EDIL3: variants seen among roughly 807,000 people sequenced by gnomAD.
EDIL3 encodes the protein EGF-like repeat and discoidin I-like domain-containing protein 3.
EDIL3 carries 37 observed loss-of-function variants against 67.4 expected under a neutral mutation model. The ratio of observed to expected loss-of-function variants is 0.55; its 90% CI spans 0.42 to 0.72. EDIL3 has a LOEUF of 0.72. EDIL3 is among the 30% of genes least tolerant of loss of function. The pLI is 0.00. For missense variants in EDIL3, 527 were observed against 586.3 expected (o/e 0.90, Z 1.04); for synonymous variants, 195 against 196.3 (o/e 0.99, Z 0.05).
At chr5:84,047,458 G>A (rs1001585523) in intron 9 of EDIL3, 4 of 152,064 alleles carry the variant, frequency 2.6e-5, no homozygotes, top group South Asian at 2.1e-4. Flanking sequence ...GTTATTCATT[G>A]TATAAAAGTT....
At chr5:84,352,977 T>C (rs1281237288) in intron 1 of EDIL3, among the ~76,000 whole-genome samples, 2 of 152,112 alleles carry the variant, frequency 1.3e-5, no homozygotes, top group African/African-American at 2.4e-5. Context: ...CAGCAGGTTT[T>C]TGTATCAGGC....
Position 84,073,526 on chromosome 5 carries a change from C to A in EDIL3, c.652-6920G>T, listed in dbSNP as rs559494421. On this transcript the variant is annotated intron_variant, in intron 6 of 10. Transcript: ENST00000296591. Reference sequence around the variant, plus strand: ...TCAGGATACAAAATCAATGTACAAACATCACAAGCATTCTTAAACACCAAC... The same window carrying A: ...TCAGGATACAAAATCAATGTACAAAAATCACAAGCATTCTTAAACACCAAC... Among the ~76,000 whole-genome samples, 257 of 152,200 alleles carry A rather than the reference C, an allele frequency of 1.7e-3. 1 individual carries two copies. The highest frequency in any genetic ancestry group is 5.6e-3 in the African/African-American group (233 of 41,546).
intron 9 of EDIL3, among the ~76,000 whole-genome samples, chr5:84,005,088 G>T (rs1032415383): frequency 6.6e-6 from 1 of 151,980 alleles, no homozygotes; most frequent in African/African-American, 2.4e-5. Context: ...AGAAAACCTA[G>T]AAGGAATGGA....
chr5:84,303,155 T>C (rs141960888), intron 1 of EDIL3, among the ~76,000 whole-genome samples: 35 of 152,346 alleles, frequency 2.3e-4, no homozygotes, highest in African/African-American at 7.5e-4. Flanking sequence ...AGTTATCTAC[T>C]CTCTGCTTTC....
At chr5:84,337,277 T>C (rs952605034) in intron 1 of EDIL3, among the ~76,000 whole-genome samples, 13 of 152,214 alleles carry the variant, frequency 8.5e-5, no homozygotes, top group Non-Finnish European at 1.6e-4. Context: ...TCTTTATCTG[T>C]TGTATCTTAA....
At chr5:84,124,187 C>T (rs868297960) in intron 5 of EDIL3, among the ~76,000 whole-genome samples, 69 of 151,910 alleles carry the variant, frequency 4.5e-4, no homozygotes, top group Middle Eastern at 3.4e-3. Flanking sequence ...ACTGAAGAAA[C>T]AATGTCTATT....
At chr5:84,237,107 C>T (rs886731440) in intron 2 of EDIL3, among the ~76,000 whole-genome samples, 1 of 152,028 alleles carries the variant, frequency 6.6e-6, no homozygotes, top group Non-Finnish European at 1.5e-5. Context: ...TAGCACCTGA[C>T]AGCAGGAAGC....
At chr5:84,182,696 C>CT (rs1480073041) in intron 3 of EDIL3, among the ~76,000 whole-genome samples, 1 of 152,052 alleles carries the variant, frequency 6.6e-6, no homozygotes, top group African/African-American at 2.4e-5. Context: ...GTTGTGGAGT[C>CT]TAACAAAGAA....
chr5:84,046,209 T>C (rs1031311510), intron 9 of EDIL3, among the ~76,000 whole-genome samples: 1 of 152,176 alleles, frequency 6.6e-6, no homozygotes, highest in Non-Finnish European at 1.5e-5. Flanking sequence ...GGAAGGGATA[T>C]ACGATTGTTA....
At chr5:84,187,909 T>C (rs1743498776) in intron 3 of EDIL3, among the ~76,000 whole-genome samples, 1 of 152,026 alleles carries the variant, frequency 6.6e-6, no homozygotes, top group South Asian at 2.1e-4. Context: ...CATTTGAGGA[T>C]AAAAATCGTC....
At chr5:84,272,120 G>A (rs745658015) in intron 1 of EDIL3, among the ~76,000 whole-genome samples, 18 of 152,024 alleles carry the variant, frequency 1.2e-4, no homozygotes, top group Non-Finnish European at 2.5e-4. Flanking sequence ...CGGCTTTCTT[G>A]TAACTTCTTT....
intron 8 of EDIL3, among the ~76,000 whole-genome samples, chr5:84,063,503 T>C (rs918912087): frequency 6.6e-6 from 1 of 152,272 alleles, no homozygotes; most frequent in Non-Finnish European, 1.5e-5. Context: ...AAAATGTGAT[T>C]CTTAAAATAG....
intron 4 of EDIL3, among the ~76,000 whole-genome samples, chr5:84,169,924 G>A (rs1265070239): frequency 7.2e-5 from 11 of 152,056 alleles, no homozygotes; most frequent in Admixed American, 6.6e-4. Flanking sequence ...GTAATTGCTG[G>A]ACTGTATGGT....
At chr5:84,166,675 A>G (rs1748709744) in intron 4 of EDIL3, among the ~76,000 whole-genome samples, 1 of 152,136 alleles carries the variant, frequency 6.6e-6, no homozygotes, top group South Asian at 2.1e-4. Context: ...GAAAATAAAG[A>G]TGAGTAAAAG....
At chr5:83,956,004 A>G (rs1744508017) in intron 10 of EDIL3, among the ~76,000 whole-genome samples, 1 of 151,844 alleles carries the variant, frequency 6.6e-6, no homozygotes, top group Non-Finnish European at 1.5e-5. Flanking sequence ...AATAAACTGA[A>G]TGACTTCTTA....
intron 3 of EDIL3, among the ~76,000 whole-genome samples, chr5:84,226,769 C>T (rs1196487771): frequency 2.0e-5 from 3 of 151,756 alleles, no homozygotes. Flanking sequence ...AAAATCACAA[C>T]AAAAACATCT....
At chr5:84,295,453 T>C (rs1420946430) in intron 1 of EDIL3, among the ~76,000 whole-genome samples, 1 of 152,016 alleles carries the variant, frequency 6.6e-6, no homozygotes, top group African/African-American at 2.4e-5. Flanking sequence ...GGAGTATTAA[T>C]ACCCATGATA....
At chr5:84,128,864 G>GTTTAA (rs1747913174) in intron 5 of EDIL3, among the ~76,000 whole-genome samples, 1 of 152,076 alleles carries the variant, frequency 6.6e-6, no homozygotes, top group Non-Finnish European at 1.5e-5. Context: ...GACATATACA[G>GTTTAA]TTTAGCACAT....
chr5:84,151,769 C>T (rs1401457565), intron 4 of EDIL3, among the ~76,000 whole-genome samples: 2 of 152,014 alleles, frequency 1.3e-5, no homozygotes, highest in Non-Finnish European at 2.9e-5. Context: ...CTGTTCTTTT[C>T]CAGAAAAATT....
Sources: allele counts gnomAD v4.1 joint callset (sites outside exome capture counted in the v4.1 genomes callset), GRCh38; gene constraint gnomAD v4.1.1; transcripts MANE v1.5; gene names NCBI Gene and HGNC (gene_info 2026-07-23, HGNC 2026-07-21).